Variants in PARP4 observed in about 807,000 individuals in gnomAD.
PARP4 encodes the protein poly(ADP-ribose) polymerase family member 4.
A neutral mutation model predicts 187.7 loss-of-function variants in PARP4; 120 were observed. The observed-to-expected ratio is 0.64, with a 90% CI of 0.55 to 0.74. PARP4 has a LOEUF of 0.74. Ranked by LOEUF, PARP4 falls within the 30% of genes least tolerant of loss-of-function variation. The pLI is 0.00. For missense variants in PARP4, 1,836 were observed against 2,070.5 expected, an observed-to-expected ratio of 0.89 and a Z score of 2.20; for synonymous variants, 654 against 740.9, an observed-to-expected ratio of 0.88 and a Z score of 1.90.
At chr13:24,508,498 C>CT (rs1330392309) in intron 1 of PARP4, among the ~76,000 whole-genome samples, 3 of 152,136 alleles carry the variant, frequency 2.0e-5, no homozygotes, top group Non-Finnish European at 2.9e-5. Flanking sequence ...TTCTTCTGGG[C>CT]TTTTTTCTAG....
intron 17 of PARP4, 138 bp downstream of exon 17, chr13:24,468,886 T>C (rs1041907862): frequency 1.5e-6 from 1 of 653,022 alleles, no homozygotes; most frequent in Non-Finnish European, 2.7e-6. Flanking sequence ...TGGCTTCCCC[T>C]TACTCAGACC....
intron 31 of PARP4, among the ~76,000 whole-genome samples, chr13:24,433,301 G>A (rs1287263277): frequency 2.0e-5 from 3 of 152,228 alleles, no homozygotes; most frequent in East Asian, 3.9e-4. Context: ...AATAAATACC[G>A]TGGGCTCCCA....
intron 31 of PARP4, among the ~76,000 whole-genome samples, chr13:24,432,914 G>A (rs6490924): frequency 0.6 from 90,522 of 151,960 alleles, 27,112 homozygotes; most frequent in South Asian, 0.67. Context: ...TGTGGTCCTA[G>A]GCAGGTGCAC....
intron 17 of PARP4, among the ~76,000 whole-genome samples, chr13:24,464,897 T>C (rs1259066112): frequency 2.0e-5 from 3 of 152,070 alleles, no homozygotes; most frequent in Non-Finnish European, 4.4e-5. Context: ...TCTATCCATC[T>C]GATGAAGGTC....
chr13:24,477,435 G>A (rs1873041841), intron 14 of PARP4, among the ~76,000 whole-genome samples: 1 of 150,794 alleles, frequency 6.6e-6, no homozygotes, highest in Non-Finnish European at 1.5e-5. Context: ...TCCAGCCTGG[G>A]GGACAGAGTG....
At chr13:24,470,976 T>C (rs1872706911) in intron 15 of PARP4, among the ~76,000 whole-genome samples, 1 of 152,260 alleles carries the variant, frequency 6.6e-6, no homozygotes, top group Middle Eastern at 3.4e-3. Flanking sequence ...GTAGGATTCC[T>C]GGAATCCCGG....
At chr13:24,510,325 C>A (rs1445417010) in intron 1 of PARP4, among the ~76,000 whole-genome samples, 1 of 151,972 alleles carries the variant, frequency 6.6e-6, no homozygotes, top group African/African-American at 2.4e-5. Context: ...GAGGCCGAGG[C>A]GGGCGGATCA....
intron 12 of PARP4, among the ~76,000 whole-genome samples, chr13:24,481,429 A>C (rs554823650): frequency 6.6e-6 from 1 of 152,326 alleles, no homozygotes; most frequent in East Asian, 1.9e-4. Context: ...GTGGTGGCTC[A>C]TGCCTATAAT....
intron 10 of PARP4, among the ~76,000 whole-genome samples, chr13:24,487,606 G>A (rs1873636588): frequency 6.6e-6 from 1 of 152,172 alleles, no homozygotes. Context: ...GGCTCTGAGT[G>A]GGTAGCTAAG....
chr13:24,472,896 T>G (rs1872788143), intron 15 of PARP4, among the ~76,000 whole-genome samples: 1 of 145,926 alleles, frequency 6.9e-6, no homozygotes, highest in Non-Finnish European at 1.5e-5. Flanking sequence ...CCTGAGTTTT[T>G]TTTTTTTTTT....
rs9553321 is a variant in PARP4, at chr13:24,483,442, T to A, written c.1448+1211A>T. On this transcript the variant is annotated intron_variant, in intron 12 of 33. Coordinates refer to ENST00000381989, the MANE Select transcript of PARP4 (RefSeq NM_006437.4). ...CGGAGCTTGCAGTGAGCCGAGATTG[T>A]GCCACTGCAGTCCGCAGTCCGGCCT... Among the ~76,000 whole-genome samples the A allele has an allele frequency of 8.9e-4, 83 of 93,618 alleles. 2 individuals are homozygous for A. Among genetic ancestry groups the A allele is most frequent in the Non-Finnish European group, 1.1e-3 (53 of 46,824 alleles). The allele number at this position is 93,618 out of a possible 152,430, so 61.4% of individuals were successfully genotyped here. A position where few individuals can be genotyped will look rare whatever the true frequency, so the allele number is the denominator to read the frequency against.
rs367891229 is a variant in PARP4 at position 24,446,780 on chromosome 13, T to A, written c.3286-19A>T. 241 of 1,479,856 alleles carry A rather than the reference T, an allele frequency of 1.6e-4. No homozygotes were observed. Among genetic ancestry groups the A allele is most frequent in the Non-Finnish European group, 2.1e-4 (227 of 1,058,674 alleles). The allele number at this position is 1,479,856 out of a possible 1,614,324, so 91.7% of individuals were successfully genotyped here. ...GAGTTGCCTGAAATGGGGAAAAAAATAAATTCCTCATTAGCCTTTCCACTC... is the reference window on the plus strand; with the variant it reads ...GAGTTGCCTGAAATGGGGAAAAAAAAAAATTCCTCATTAGCCTTTCCACTC... On this transcript the variant is annotated intron_variant, in intron 26 of 33. Transcript: ENST00000381989.
At position 24,447,194 on chromosome 13, in the gene PARP4, T is replaced by C. The variant is rs771201943; in HGVS notation, c.3115-8A>G. 2.5e-6 allele frequency: 4 copies of C among 1,579,992 alleles called. No homozygotes were observed. Among genetic ancestry groups the C allele is most frequent in the Admixed American group, 1.9e-5 (1 of 51,512 alleles). On this transcript the variant is annotated splice_polypyrimidine_tract_variant and splice_region_variant and intron_variant, in intron 25 of 33. Coordinates refer to ENST00000381989, the MANE Select transcript of PARP4 (RefSeq NM_006437.4). ...GGTCATTTGGTCTTCTATCTATTTA[T>C]AAAAGAGGAATTATTTCTCTTTCAA...
At chr13:24,444,550 A>G (rs965112912) in intron 27 of PARP4, among the ~76,000 whole-genome samples, 1 of 152,208 alleles carries the variant, frequency 6.6e-6, no homozygotes, top group African/African-American at 2.4e-5. Flanking sequence ...TACTCCTTTG[A>G]ATAAAAAAAC....
At chr13:24,500,051 A>T (rs1204596282) in intron 4 of PARP4, among the ~76,000 whole-genome samples, 1 of 149,952 alleles carries the variant, frequency 6.7e-6, no homozygotes, top group Non-Finnish European at 1.5e-5. Flanking sequence ...TTTTTTTAAA[A>T]GAATTAAAAA....
At chr13:24,470,375 G>A (rs2137500378) in intron 15 of PARP4, among the ~76,000 whole-genome samples, 1 of 152,214 alleles carries the variant, frequency 6.6e-6, no homozygotes, top group South Asian at 2.1e-4. Flanking sequence ...CATGTTGGCT[G>A]GAAATGATTC....
At chr13:24,493,796 C>T (rs1011546251) in intron 7 of PARP4, 63 bp from the exon 8 acceptor site, 2 of 1,511,294 alleles carry the variant, frequency 1.3e-6, no homozygotes, top group Non-Finnish European at 1.8e-6. Flanking sequence ...GTAAAACTTA[C>T]ATGGGCCAAC....
chr13:24,502,799 A>G (rs1869375431), intron 2 of PARP4, among the ~76,000 whole-genome samples: 1 of 152,258 alleles, frequency 6.6e-6, no homozygotes, highest in South Asian at 2.1e-4. Context: ...GGGAAGCTGT[A>G]TAAGGGAAGT....
At chr13:24,510,065 TTAA>T (rs1293956511) in intron 1 of PARP4, among the ~76,000 whole-genome samples, 2 of 152,244 alleles carry the variant, frequency 1.3e-5, no homozygotes, top group South Asian at 2.1e-4. Context: ...TTCTAAATTA[TTAA>T]TATTCTATAT....
Sources: allele counts gnomAD v4.1 joint callset (sites outside exome capture counted in the v4.1 genomes callset), GRCh38; gene constraint gnomAD v4.1.1; transcripts MANE v1.5; gene names NCBI Gene and HGNC (gene_info 2026-07-23, HGNC 2026-07-21).